FTCDNL1: variants seen among roughly 807,000 people sequenced by gnomAD.
FTCDNL1 encodes formiminotransferase cyclodeaminase N-terminal like, also known as formiminotransferase N-terminal subdomain-containing protein.
FTCDNL1 carries 11 observed loss-of-function variants against 5.9 expected under a neutral mutation model. The observed-to-expected ratio is 1.87, with a 90% confidence interval of 1.18 to 3.10. The LOEUF (loss-of-function observed/expected upper bound fraction) is 3.10, where lower values mean the gene tolerates loss of function less well. FTCDNL1 is among the 30% of genes most tolerant of loss of function. The pLI is 0.00. For synonymous variants in FTCDNL1, 58 were observed against 24.8 expected (o/e 2.34, Z -3.99); for missense variants, 115 against 65.5 (o/e 1.76, Z -2.61).
chr2:199,734,269 A>G, the FTCDNL1 span, among the ~76,000 whole-genome samples: 19 of 152,352 alleles, frequency 1.2e-4, no homozygotes, highest in African/African-American at 4.3e-4. Context: ...TTTAAGAGAC[A>G]GATTAACCAT....
At chr2:199,783,056 GACTT>G (rs1417684072) in intron 3 of FTCDNL1, among the ~76,000 whole-genome samples, 1 of 152,122 alleles carries the variant, frequency 6.6e-6, no homozygotes, top group Non-Finnish European at 1.5e-5. Context: ...ATATCACTTT[GACTT>G]GCTATTCATG....
the FTCDNL1 span, among the ~76,000 whole-genome samples, chr2:199,735,133 AAAC>A: frequency 3.3e-5 from 5 of 151,646 alleles, no homozygotes; most frequent in African/African-American, 1.2e-4. Flanking sequence ...AAAAAAAAAA[AAAC>A]CACATTATTT....
At chr2:199,768,089 T>C (rs554668976) in intron 3 of FTCDNL1, among the ~76,000 whole-genome samples, 1 of 152,352 alleles carries the variant, frequency 6.6e-6, no homozygotes, top group African/African-American at 2.4e-5. Flanking sequence ...TGAAGAGTAT[T>C]GTGCCTCATT....
chr2:199,850,532 G>T (rs2076848252), intron 1 of FTCDNL1, among the ~76,000 whole-genome samples: 1 of 152,170 alleles, frequency 6.6e-6, no homozygotes, highest in Admixed American at 6.5e-5. Context: ...TGAAATGAGC[G>T]GCAGTACCAG....
At chr2:199,845,929 A>G in intron 3 of FTCDNL1, 146 bp downstream of exon 3, 1 of 417,282 alleles carries the variant, frequency 2.4e-6, no homozygotes, top group Middle Eastern at 6.1e-4. Flanking sequence ...GTTCAGAAAA[A>G]TGATTAAGTG....
chr2:199,693,217 A>T, the FTCDNL1 span, among the ~76,000 whole-genome samples: 1 of 152,234 alleles, frequency 6.6e-6, no homozygotes, highest in Non-Finnish European at 1.5e-5. Context: ...AGTAGCTTGC[A>T]TTTGTGTACA....
At chr2:199,773,491 G>A (rs1438566598) in intron 3 of FTCDNL1, among the ~76,000 whole-genome samples, 1 of 152,126 alleles carries the variant, frequency 6.6e-6, no homozygotes, top group African/African-American at 2.4e-5. Context: ...TCCCTTTGGG[G>A]AAAATCTGTA....
the FTCDNL1 span, among the ~76,000 whole-genome samples, chr2:199,724,748 T>G: frequency 6.6e-6 from 1 of 152,110 alleles, no homozygotes; most frequent in Non-Finnish European, 1.5e-5. Context: ...TTCTGAGAGA[T>G]AGTTTGTTAT....
downstream of FTCDNL1, among the ~76,000 whole-genome samples, chr2:199,757,957 TG>T (rs959128335): frequency 6.6e-6 from 1 of 152,130 alleles, no homozygotes; most frequent in Non-Finnish European, 1.5e-5. Flanking sequence ...TTAATTCATT[TG>T]GGGTGCTCCT....
At chr2:199,741,140 C>T in the FTCDNL1 span, among the ~76,000 whole-genome samples, 1 of 152,110 alleles carries the variant, frequency 6.6e-6, no homozygotes, top group Non-Finnish European at 1.5e-5. Flanking sequence ...AGAAGACAGC[C>T]TGTGTTCATC....
chr2:199,796,843 CT>C (rs1700197370), intron 3 of FTCDNL1, among the ~76,000 whole-genome samples: 1 of 151,942 alleles, frequency 6.6e-6, no homozygotes, highest in Non-Finnish European at 1.5e-5. Flanking sequence ...ATTTAATAGT[CT>C]TTTAAATATG....
the FTCDNL1 span, among the ~76,000 whole-genome samples, chr2:199,743,132 G>A: frequency 2.6e-5 from 4 of 152,182 alleles, no homozygotes; most frequent in Non-Finnish European, 5.9e-5. Flanking sequence ...GGCTACAGTG[G>A]TGTGGTTACC....
At chr2:199,701,183 G>A in the FTCDNL1 span, among the ~76,000 whole-genome samples, 2 of 151,308 alleles carry the variant, frequency 1.3e-5, no homozygotes, top group Admixed American at 6.6e-5. Context: ...GGAATGCTAC[G>A]TTTTCTAGCA....
chr2:199,794,696 A>G (rs1168076716), intron 3 of FTCDNL1, among the ~76,000 whole-genome samples: 2 of 152,116 alleles, frequency 1.3e-5, no homozygotes, highest in Non-Finnish European at 1.5e-5. Context: ...TGAGCAACAT[A>G]GTGAAACCTC....
the FTCDNL1 span, among the ~76,000 whole-genome samples, chr2:199,744,418 C>T: frequency 8.2e-3 from 1,253 of 152,086 alleles, 10 homozygotes; most frequent in Non-Finnish European, 0.014. Context: ...TGCTCTCTCT[C>T]TCTCTCTACA....
chr2:199,725,932 G>C, the FTCDNL1 span, among the ~76,000 whole-genome samples: 1 of 152,168 alleles, frequency 6.6e-6, no homozygotes, highest in Non-Finnish European at 1.5e-5. Flanking sequence ...ATGTTGGCCT[G>C]TCTTGCTAGG....
At chr2:199,793,207 A>G (rs1366575107) in intron 3 of FTCDNL1, among the ~76,000 whole-genome samples, 2 of 152,208 alleles carry the variant, frequency 1.3e-5, no homozygotes, top group African/African-American at 2.4e-5. Context: ...TAGAAACATA[A>G]TGAGATGAGT....
the FTCDNL1 span, among the ~76,000 whole-genome samples, chr2:199,753,184 C>A: frequency 6.6e-6 from 1 of 152,262 alleles, no homozygotes; most frequent in Admixed American, 6.5e-5. Flanking sequence ...GAGGAAATAA[C>A]CCTGTATAAG....
intron 3 of FTCDNL1, among the ~76,000 whole-genome samples, chr2:199,766,989 A>G (rs1457585890): frequency 6.6e-6 from 1 of 152,210 alleles, no homozygotes. Context: ...AATATTTTGG[A>G]TTAGTACTAA....
Sources: gnomAD v4.1 joint callset for allele counts (sites outside exome capture counted in the v4.1 genomes callset) on GRCh38, gnomAD v4.1.1 for gene constraint, MANE v1.5 for transcripts, NCBI Gene and HGNC (gene_info 2026-07-23, HGNC 2026-07-21) for gene names.